AGAP1: variants seen among roughly 807,000 people sequenced by gnomAD.
The protein encoded by AGAP1 is ArfGAP with GTPase domain, ankyrin repeat and PH domain 1.
Under a neutral mutation model 105.3 loss-of-function variants are expected in AGAP1, and 29 were observed. The ratio of observed to expected loss-of-function variants is 0.28; its 90% CI spans 0.21 to 0.38. The LOEUF (loss-of-function observed/expected upper bound fraction) is 0.38, where lower values mean the gene tolerates loss of function less well. Among genes scored for constraint, AGAP1 ranks in the 10% least tolerant of loss-of-function variants. The pLI, the probability that AGAP1 is intolerant of heterozygous loss-of-function variation, is 1.00. For synonymous variants in AGAP1, 509 were observed against 485.9 expected, an observed-to-expected ratio of 1.05 and a Z score of -0.63; for missense variants, 998 against 1,165.1, an observed-to-expected ratio of 0.86 and a Z score of 2.09.
rs1162134263 is a variant in AGAP1 at position 235,705,343 on chromosome 2, G to C, written c.164-3836G>C. Among the ~76,000 whole-genome samples, 1 of 152,234 alleles carries C rather than the reference G, an allele frequency of 6.6e-6. No individual in the cohort carries two copies. Among genetic ancestry groups the C allele is most frequent in the Middle Eastern group, 3.4e-3 (1 of 294 alleles). On this transcript the variant is annotated intron_variant, in intron 1 of 17. Coordinates refer to ENST00000304032, the MANE Select transcript of AGAP1 (RefSeq NM_001037131.3). The surrounding 1 kb of genome is among the most constrained non-coding windows in gnomAD (Gnocchi z 4.9). ...GGATTCTGGCTGGTCCAGGAACACA[G>C]GTGTGCACACATCCGGATGTGCATC...
At position 235,692,780 on chromosome 2, in the gene AGAP1, C is replaced by T. The variant is rs762373680; in HGVS notation, c.164-16399C>T. 2.6e-4 allele frequency among the ~76,000 whole-genome samples: 40 copies of T among 152,330 alleles called. No homozygotes were observed. Among genetic ancestry groups the T allele is most frequent in the Non-Finnish European group, 3.2e-4 (22 of 68,036 alleles). Reference sequence around the variant, plus strand: ...TTACAGCCCGCAGTCACAGGTCTTGCGGTGGACTTGCTGGTCGGCTGCTCT... The same window carrying T: ...TTACAGCCCGCAGTCACAGGTCTTGTGGTGGACTTGCTGGTCGGCTGCTCT... On this transcript the variant is annotated intron_variant, in intron 1 of 17. Transcript: ENST00000304032. The surrounding 1 kb of genome is among the most constrained non-coding windows in gnomAD (Gnocchi z 5.8).
intron 1 of AGAP1, among the ~76,000 whole-genome samples, chr2:235,519,113 C>T (rs952240305): frequency 9.2e-5 from 14 of 152,142 alleles, no homozygotes; most frequent in Admixed American, 4.6e-4. Flanking sequence ...CACTCTGTTG[C>T]CCAGGGTGGA....
chr2:235,854,632 G>A (rs564470909), intron 9 of AGAP1, among the ~76,000 whole-genome samples: 26 of 152,190 alleles, frequency 1.7e-4, no homozygotes, highest in African/African-American at 4.8e-4. Context: ...GGGCTGCCGC[G>A]TCCGCTTACC....
At position 235,967,955 on chromosome 2, in the gene AGAP1, A is replaced by G. The variant is rs2054477066; in HGVS notation, c.1484-507A>G. Among the ~76,000 whole-genome samples, 1 of 152,210 alleles carries G rather than the reference A, an allele frequency of 6.6e-6. No individual in the cohort carries two copies. The highest frequency in any genetic ancestry group is 2.4e-5 in the African/African-American group (1 of 41,454). On this transcript the variant is annotated intron_variant, in intron 12 of 17. Transcript: ENST00000304032. This position sits in a 1 kb window ranked among gnomAD's most constrained non-coding sequence, Gnocchi z 4.7. ...AAAAATGGCATAGAATTTTTCACTGATAATAAAACAAGATGAAGTTATAGT... is the reference window on the plus strand; with the variant it reads ...AAAAATGGCATAGAATTTTTCACTGGTAATAAAACAAGATGAAGTTATAGT...
At chr2:236,026,931 T>C (rs2057074594) in intron 13 of AGAP1, among the ~76,000 whole-genome samples, 1 of 152,156 alleles carries the variant, frequency 6.6e-6, no homozygotes. Context: ...TGTTAATTTG[T>C]TTTTAGGAAA....
intron 3 of AGAP1, among the ~76,000 whole-genome samples, chr2:235,727,352 G>A (rs763490944): frequency 1.3e-5 from 2 of 151,934 alleles, no homozygotes; most frequent in Non-Finnish European, 2.9e-5. Context: ...GGGGGGAGGG[G>A]GTGTTGTGCA....
intron 13 of AGAP1, among the ~76,000 whole-genome samples, chr2:236,028,665 C>CT (rs893337874): frequency 6.6e-6 from 1 of 152,110 alleles, no homozygotes; most frequent in Non-Finnish European, 1.5e-5. Flanking sequence ...ATGTGAATGT[C>CT]TTTATCTTCC....
intron 11 of AGAP1, among the ~76,000 whole-genome samples, chr2:235,925,075 A>AC (rs1478059508): frequency 2.6e-5 from 4 of 151,884 alleles, no homozygotes; most frequent in Non-Finnish European, 5.9e-5. Context: ...GAGAGTACTC[A>AC]CCCCCCAAAG....
In AGAP1 at chr2:235,622,041, A is replaced by G. The variant is rs949159208; in HGVS notation, c.164-87138A>G. Among the ~76,000 whole-genome samples the G allele has an allele frequency of 6.6e-6, 1 of 152,154 alleles. No homozygotes were observed. Among genetic ancestry groups the G allele is most frequent in the Non-Finnish European group, 1.5e-5 (1 of 68,036 alleles). On this transcript the variant is annotated intron_variant, in intron 1 of 17. Transcript: ENST00000304032. This position sits in a 1 kb window ranked among gnomAD's most constrained non-coding sequence, Gnocchi z 5.0. The stretch of plus-strand genomic sequence containing the variant: ...CTAGTGGTCAGCTTGCTACTGTCCA[A>G]CCTAAGCTCATATTCAACACTTTAG...
Position 235,882,241 on chromosome 2 carries a change from C to T in AGAP1, c.1051-1104C>T, listed in dbSNP as rs1004757019. On this transcript the variant is annotated intron_variant, in intron 9 of 17. Transcript: ENST00000304032. This position sits in a 1 kb window ranked among gnomAD's most constrained non-coding sequence, Gnocchi z 4.6. ...TCAGAGACCCACAGGCCAGTGGCATCGGTGCAGAGTGCCCAGGTTCACAAT... is the reference window on the plus strand; with the variant it reads ...TCAGAGACCCACAGGCCAGTGGCATTGGTGCAGAGTGCCCAGGTTCACAAT... The T allele has an allele frequency of 2.2e-5, 10 of 454,208 alleles. No individual in the cohort carries two copies. The highest frequency in any genetic ancestry group is 7.3e-5 in the South Asian group (3 of 41,088). The allele number at this position is 454,208 out of a possible 1,614,324, so 28.1% of individuals were successfully genotyped here.
In AGAP1 at chr2:236,130,643, G is replaced by C. The variant is rs1486501782; in HGVS notation, c.*6521G>C. On this transcript the variant is annotated 3_prime_UTR_variant, in exon 18 of 18. Transcript: ENST00000304032. The surrounding 1 kb of genome is among the most constrained non-coding windows in gnomAD (Gnocchi z 5.8). The stretch of plus-strand genomic sequence containing the variant: ...GGGCATGAGGATGTCAGGGGCCTTT[G>C]GACTTGAGGAAGGACAGTCCAGGTG... The C allele has an allele frequency of 6.6e-6, 1 of 152,332 alleles. No individual in the cohort carries two copies. Among genetic ancestry groups the C allele is most frequent in the Admixed American group, 6.5e-5 (1 of 15,284 alleles). The allele number at this position is 152,332 out of a possible 1,614,324, so 9.4% of individuals were successfully genotyped here. A position where few individuals can be genotyped will look rare whatever the true frequency, so the allele number is the denominator to read the frequency against.
chr2:235,825,033 A>C (rs1958990976), intron 9 of AGAP1, among the ~76,000 whole-genome samples: 1 of 152,248 alleles, frequency 6.6e-6, no homozygotes, highest in East Asian at 1.9e-4. Flanking sequence ...GAATAACCAT[A>C]TGAAAGACCA....
chr2:235,860,679 A>G (rs1446995919), intron 9 of AGAP1, among the ~76,000 whole-genome samples: 5 of 152,214 alleles, frequency 3.3e-5, no homozygotes, highest in Non-Finnish European at 7.3e-5. Context: ...TTTTTTTGTA[A>G]TAAATGTTTC....
chr2:235,916,109 G>T (rs188061766), intron 11 of AGAP1, among the ~76,000 whole-genome samples: 2 of 152,170 alleles, frequency 1.3e-5, no homozygotes, highest in African/African-American at 2.4e-5. Flanking sequence ...CAACCTACAG[G>T]GTTATACAAC....
chr2:235,857,346 T>C (rs1283997843), intron 9 of AGAP1, among the ~76,000 whole-genome samples: 2 of 152,152 alleles, frequency 1.3e-5, no homozygotes, highest in African/African-American at 4.8e-5. Flanking sequence ...CCCTCCTCCC[T>C]ATCCGTGGAA....
At position 235,883,962 on chromosome 2, in the gene AGAP1, TAA is replaced by T. The variant is rs1289617429; in HGVS notation, c.1155+514_1155+515del. Among the ~76,000 whole-genome samples the T allele has an allele frequency of 6.6e-6, 1 of 152,250 alleles. No homozygotes were observed. Among genetic ancestry groups the T allele is most frequent in the Non-Finnish European group, 1.5e-5 (1 of 68,050 alleles). On this transcript the variant is annotated intron_variant, in intron 10 of 17. Transcript: ENST00000304032. The surrounding 1 kb of genome is among the most constrained non-coding windows in gnomAD (Gnocchi z 4.5). Reference sequence around the variant, plus strand: ...GTTATATGTAAGTTTATGTTACATATAAGTTTGTTATATCCGTGGTGTATAAG... The same window carrying T: ...GTTATATGTAAGTTTATGTTACATATGTTTGTTATATCCGTGGTGTATAAG...
chr2:235,935,799 G>T (rs186973877), intron 12 of AGAP1, among the ~76,000 whole-genome samples: 1 of 152,146 alleles, frequency 6.6e-6, no homozygotes, highest in Non-Finnish European at 1.5e-5. Flanking sequence ...CTCTAGAAGC[G>T]TTAGCCACGA....
In AGAP1 at chr2:235,659,633, G is replaced by T. The variant is rs35814183; in HGVS notation, c.164-49546G>T. ...TACTTTGAGAACCTGTGCAGGTCCAGGTGCCGAGGGCTGTCAGATCCCTGC... is the reference window on the plus strand; with the variant it reads ...TACTTTGAGAACCTGTGCAGGTCCATGTGCCGAGGGCTGTCAGATCCCTGC... On this transcript the variant is annotated intron_variant, in intron 1 of 17. Transcript: ENST00000304032. The surrounding 1 kb of genome is among the most constrained non-coding windows in gnomAD (Gnocchi z 5.0). 0.15 allele frequency among the ~76,000 whole-genome samples: 22,503 copies of T among 152,200 alleles called. 2,251 individuals are homozygous for T. The highest frequency in any genetic ancestry group is 0.34 in the East Asian group (1,748 of 5,162).
chr2:236,124,483 G>A lies in AGAP1; in HGVS notation c.*361G>A, dbSNP rs2059972815. 1 of 299,622 alleles carries A rather than the reference G, an allele frequency of 3.3e-6. No homozygotes were observed. The highest frequency in any genetic ancestry group is 6.3e-6 in the Non-Finnish European group (1 of 157,728). 18.6% of individuals were successfully genotyped at this position (299,622 alleles called of 1,614,324 possible). A position where few individuals can be genotyped will look rare whatever the true frequency, so the allele number is the denominator to read the frequency against. ...GGGGAGGCGAGGAACAAGGAGAAGG[G>A]GCAACTTTCCTTAACTGGCAGTTGA... On this transcript the variant is annotated 3_prime_UTR_variant, in exon 18 of 18. Transcript: ENST00000304032. The surrounding 1 kb of genome is among the most constrained non-coding windows in gnomAD (Gnocchi z 5.1).
Sources: gnomAD v4.1 joint callset for allele counts (sites outside exome capture counted in the v4.1 genomes callset) on GRCh38, gnomAD v4.1.1 for gene constraint, Gnocchi (gnomAD v3.1) non-coding constraint, MANE v1.5 for transcripts, NCBI Gene and HGNC (gene_info 2026-07-23, HGNC 2026-07-21) for gene names.